The following PGGT1B variants were observed in gnomAD, a reference collection of about 807,000 sequenced individuals.
The protein encoded by PGGT1B is geranylgeranyl transferase type-1 subunit beta.
Under a neutral mutation model 46.1 loss-of-function variants are expected in PGGT1B, and 30 were observed. The observed-to-expected ratio is 0.65, with a 90% confidence interval of 0.49 to 0.88. PGGT1B has a LOEUF of 0.88. Among genes scored for constraint, PGGT1B ranks in the 40% least tolerant of loss-of-function variants. PGGT1B has a pLI of 0.00. For missense variants in PGGT1B, 376 were observed against 455.9 expected (o/e 0.82, Z 1.60); for synonymous variants, 170 against 160.0 (o/e 1.06, Z -0.47).
chr5:115,238,141 T>C (rs1046356444), intron 3 of PGGT1B, 132 bp from the exon 4 acceptor site: 23 of 521,110 alleles, frequency 4.4e-5, no homozygotes, highest in African/African-American at 3.1e-4. Flanking sequence ...AGACATCTTA[T>C]TGAGAAAAAC....
intron 2 of PGGT1B, among the ~76,000 whole-genome samples, chr5:115,245,884 A>C (rs1321872455): frequency 1.3e-5 from 2 of 152,212 alleles, no homozygotes; most frequent in African/African-American, 2.4e-5. Flanking sequence ...TCTAAAGTTT[A>C]TACTTTATTC....
intron 1 of PGGT1B, among the ~76,000 whole-genome samples, chr5:115,258,572 A>T (rs1170105332): frequency 6.6e-6 from 1 of 152,174 alleles, no homozygotes; most frequent in Non-Finnish European, 1.5e-5. Context: ...TAGAGAACTA[A>T]TTGAAGTTTT....
In PGGT1B at chr5:115,231,103, T is replaced by G. The variant is rs578224557; in HGVS notation, c.613-82A>C. 243 of 681,542 alleles carry G rather than the reference T, an allele frequency of 3.6e-4. 2 individuals carry two copies. The highest frequency in any genetic ancestry group is 5.5e-4 in the Non-Finnish European group (229 of 415,170). 42.2% of individuals were successfully genotyped at this position (681,542 alleles called of 1,614,324 possible). On this transcript the variant is annotated intron_variant, in intron 5 of 8. Coordinates refer to ENST00000419445, the MANE Select transcript of PGGT1B (RefSeq NM_005023.4). ...ATAAATAAGTTGCCAATGAACTAAG[T>G]TTTTTAGGTCTCTTTAAATTTTATT...
In PGGT1B at chr5:115,210,504, G is replaced by T. The variant is rs567347952; in HGVS notation, c.*1898C>A. The T allele has an allele frequency of 6.6e-6, 1 of 152,080 alleles. No homozygotes were observed. Among genetic ancestry groups the T allele is most frequent in the South Asian group, 2.1e-4 (1 of 4,824 alleles). 9.4% of individuals were successfully genotyped at this position (152,080 alleles called of 1,614,324 possible). On this transcript the variant is annotated 3_prime_UTR_variant, in exon 9 of 9. Transcript: ENST00000419445. ...TTTCACAAGAAAGTCTCCCACAAGT[G>T]TATCAATTAGAAGCATACTAAAATT... is the stretch of plus-strand genomic sequence containing the variant.
chr5:115,228,811 C>A (rs1161934764), intron 6 of PGGT1B, among the ~76,000 whole-genome samples: 8 of 151,910 alleles, frequency 5.3e-5, no homozygotes, highest in African/African-American at 1.9e-4. Flanking sequence ...AGGTTAATAG[C>A]TCAAATGCTT....
At chr5:115,241,498 C>T in intron 3 of PGGT1B, 41 bp downstream of exon 3, 1 of 1,271,594 alleles carries the variant, frequency 7.9e-7, no homozygotes, top group Non-Finnish European at 1.1e-6. Flanking sequence ...TAAAATATCC[C>T]TACATCCCTT....
chr5:115,262,345 A>G (rs1199936062), intron 1 of PGGT1B, among the ~76,000 whole-genome samples: 3 of 152,228 alleles, frequency 2.0e-5, no homozygotes, highest in African/African-American at 7.2e-5. Flanking sequence ...GAGGACAAGG[A>G]TGCACAGAAG....
chr5:115,259,603 C>T (rs772948019), intron 1 of PGGT1B, among the ~76,000 whole-genome samples: 2 of 147,826 alleles, frequency 1.4e-5, no homozygotes, highest in African/African-American at 2.5e-5. Context: ...GCAGGAGAAT[C>T]GCTTGAACCC....
At chr5:115,248,558 G>A (rs574405668) in intron 2 of PGGT1B, among the ~76,000 whole-genome samples, 1 of 152,266 alleles carries the variant, frequency 6.6e-6, no homozygotes, top group Non-Finnish European at 1.5e-5. Context: ...AGAAGGACCC[G>A]ATCCTCCAGT....
chr5:115,224,230 T>C (rs529792632), intron 6 of PGGT1B, among the ~76,000 whole-genome samples: 14 of 152,304 alleles, frequency 9.2e-5, no homozygotes, highest in African/African-American at 3.4e-4. Context: ...AAGCCATGAC[T>C]TCAAGTTTTA....
intron 6 of PGGT1B, among the ~76,000 whole-genome samples, chr5:115,230,428 T>C (rs1443375645): frequency 6.6e-6 from 1 of 152,148 alleles, no homozygotes; most frequent in Non-Finnish European, 1.5e-5. Context: ...AGGCTATTGA[T>C]GTGCTGACAC....
rs1756195588 is a variant in PGGT1B at position 115,210,719 on chromosome 5, T to C, written c.*1683A>G. 6.6e-6 allele frequency: 1 copy of C among 152,134 alleles called. No individual in the cohort carries two copies. 9.4% of individuals were successfully genotyped at this position (152,134 alleles called of 1,614,324 possible). ...TATATAGTCCTAAAGCCATTATATATATGCTACTTTAACTTCCAATGTCTA... is the reference window on the plus strand; with the variant it reads ...TATATAGTCCTAAAGCCATTATATACATGCTACTTTAACTTCCAATGTCTA... On this transcript the variant is annotated 3_prime_UTR_variant, in exon 9 of 9. Transcript: ENST00000419445.
Position 115,204,487 on chromosome 5 carries a change from G to T in PGGT1B, c.*7915C>A, listed in dbSNP as rs1212280369. 1 of 152,012 alleles carries T rather than the reference G, an allele frequency of 6.6e-6. No individual in the cohort carries two copies. Among genetic ancestry groups the T allele is most frequent in the Non-Finnish European group, 1.5e-5 (1 of 67,998 alleles). The allele number at this position is 152,012 out of a possible 1,614,324, so 9.4% of individuals were successfully genotyped here. A position where few individuals can be genotyped will look rare whatever the true frequency, so the allele number is the denominator to read the frequency against. ...CATTAATTCATACAGCACATATAAA[G>T]AATTAACCTCCCCCCAAACTTATTA... On this transcript the variant is annotated 3_prime_UTR_variant, in exon 9 of 9. Transcript: ENST00000419445.
chr5:115,262,817 C>G lies in PGGT1B; in HGVS notation c.35G>C (p.Ser12Thr). The G allele has an allele frequency of 6.2e-7, 1 of 1,612,674 alleles. No individual in the cohort carries two copies. Among genetic ancestry groups the G allele is most frequent in the Non-Finnish European group, 8.5e-7 (1 of 1,179,932 alleles). Reference sequence around the variant, plus strand: ...GAAATCCAGCCGCTCTCCCTCACCGCTCCCTGCTAGCCTCTCATCCTCAGT... The same window carrying G: ...GAAATCCAGCCGCTCTCCCTCACCGGTCCCTGCTAGCCTCTCATCCTCAGT... The part of the protein sequence containing the change: ...AATEDERLAG[S>T]GEGERLDFLR... The change falls in exon 1 of 9, where the codon AGC becomes ACC. Residue 12 changes from serine to threonine, a missense_variant. Coordinates refer to ENST00000419445, the MANE Select transcript of PGGT1B (RefSeq NM_005023.4).
At chr5:115,215,780 TA>T (rs1412781476) in intron 8 of PGGT1B, among the ~76,000 whole-genome samples, 2 of 151,636 alleles carry the variant, frequency 1.3e-5, no homozygotes, top group Non-Finnish European at 2.9e-5. Context: ...AGGCTGATAA[TA>T]AAAACCACGA....
At chr5:115,256,029 C>T (rs6594882) in intron 1 of PGGT1B, among the ~76,000 whole-genome samples, 6 of 152,084 alleles carry the variant, frequency 3.9e-5, no homozygotes, top group South Asian at 2.1e-4. Context: ...TGGGCCCTTT[C>T]GGTTTGTTTT....
intron 2 of PGGT1B, among the ~76,000 whole-genome samples, chr5:115,244,551 A>T (rs1216608332): frequency 6.6e-6 from 1 of 151,842 alleles, no homozygotes; most frequent in Non-Finnish European, 1.5e-5. Context: ...ACTTAAAAAA[A>T]AAATAAAAAG....
chr5:115,237,497 T>C (rs978276483), intron 4 of PGGT1B, among the ~76,000 whole-genome samples: 1 of 152,204 alleles, frequency 6.6e-6, no homozygotes, highest in African/African-American at 2.4e-5. Flanking sequence ...TCTTCCCTAA[T>C]CACCATAAAG....
At chr5:115,239,208 A>G (rs1402954218) in intron 3 of PGGT1B, among the ~76,000 whole-genome samples, 1 of 151,926 alleles carries the variant, frequency 6.6e-6, no homozygotes, top group African/African-American at 2.4e-5. Flanking sequence ...ACATCCAGCT[A>G]ATTTTTGTAT....
Sources: allele counts gnomAD v4.1 joint callset (sites outside exome capture counted in the v4.1 genomes callset), GRCh38; gene constraint gnomAD v4.1.1; transcripts MANE v1.5; gene names NCBI Gene and HGNC (gene_info 2026-07-23, HGNC 2026-07-21).